Variants in FAM227B observed in about 807,000 individuals in gnomAD.
FAM227B encodes protein FAM227B.
In FAM227B, 88 loss-of-function variants were observed where a neutral mutation model predicts 73.8. The ratio of observed to expected loss-of-function variants is 1.19; its 90% CI spans 1.00 to 1.42. FAM227B has a LOEUF of 1.42. Among genes scored for constraint, FAM227B ranks in the 40% most tolerant of loss-of-function variants. The pLI, the probability that FAM227B is intolerant of heterozygous loss-of-function variation, is 0.00. For missense variants in FAM227B, 632 were observed against 590.9 expected (o/e 1.07, Z -0.72); for synonymous variants, 210 against 190.5 (o/e 1.10, Z -0.84).
chr15:49,370,569 A>C (rs369129469), intron 12 of FAM227B, among the ~76,000 whole-genome samples: 21 of 152,358 alleles, frequency 1.4e-4, no homozygotes, highest in African/African-American at 5.0e-4. Flanking sequence ...TGGGTTATTA[A>C]ATACCGGGAA....
intron 6 of FAM227B, 57 bp from the exon 7 acceptor site, chr15:49,576,902 G>T: frequency 1.0e-6 from 1 of 954,092 alleles, no homozygotes; most frequent in Non-Finnish European, 1.6e-6. Flanking sequence ...CACTATAGTA[G>T]ACTCATATAA....
chr15:49,598,229 T>C (rs1453122664), intron 3 of FAM227B, among the ~76,000 whole-genome samples: 1 of 151,996 alleles, frequency 6.6e-6, no homozygotes, highest in East Asian at 1.9e-4. Flanking sequence ...TTCATGTTAT[T>C]GTAAAAGAGA....
At chr15:49,436,708 C>G (rs2051138763) in intron 11 of FAM227B, among the ~76,000 whole-genome samples, 1 of 151,520 alleles carries the variant, frequency 6.6e-6, no homozygotes, top group Non-Finnish European at 1.5e-5. Flanking sequence ...GGTTACATAG[C>G]TAGTAACTGT....
chr15:49,524,178 T>C (rs375420197), intron 10 of FAM227B, among the ~76,000 whole-genome samples: 13 of 152,178 alleles, frequency 8.5e-5, no homozygotes, highest in African/African-American at 2.9e-4. Flanking sequence ...TCAGAGGTCT[T>C]CATGGCAGCC....
chr15:49,357,280 A>C (rs1178945366), intron 13 of FAM227B, among the ~76,000 whole-genome samples: 11 of 148,960 alleles, frequency 7.4e-5, no homozygotes, highest in African/African-American at 2.7e-4. Context: ...CCTTCAAAAA[A>C]TTAGTGAATC....
At chr15:49,419,486 AT>A (rs1256953488) in intron 11 of FAM227B, among the ~76,000 whole-genome samples, 5 of 152,204 alleles carry the variant, frequency 3.3e-5, no homozygotes, top group Non-Finnish European at 7.3e-5. Context: ...ACAGAAAAAA[AT>A]GGGATAAATG....
At chr15:49,344,506 A>G (rs767061768) in intron 13 of FAM227B, among the ~76,000 whole-genome samples, 6 of 152,238 alleles carry the variant, frequency 3.9e-5, no homozygotes, top group African/African-American at 1.2e-4. Flanking sequence ...CTCATCCCCA[A>G]TTGTGTGTTC....
chr15:49,446,975 G>C (rs2052279148), intron 11 of FAM227B, among the ~76,000 whole-genome samples: 1 of 151,506 alleles, frequency 6.6e-6, no homozygotes. Context: ...GAAGTTTCTA[G>C]AGATTTTGAC....
At chr15:49,368,555 G>A in intron 12 of FAM227B, among the ~76,000 whole-genome samples, 1 of 152,144 alleles carries the variant, frequency 6.6e-6, no homozygotes, top group East Asian at 1.9e-4. Context: ...CTAGTAAAAA[G>A]TTAATGTCAA....
chr15:49,389,139 G>A (rs375101167), intron 11 of FAM227B, among the ~76,000 whole-genome samples: 1 of 151,882 alleles, frequency 6.6e-6, no homozygotes, highest in South Asian at 2.1e-4. Context: ...ATCCCACTGT[G>A]GGGTATCTAC....
At chr15:49,591,238 C>A (rs1436364317) in intron 3 of FAM227B, among the ~76,000 whole-genome samples, 1 of 150,970 alleles carries the variant, frequency 6.6e-6, no homozygotes, top group Admixed American at 6.6e-5. Flanking sequence ...CCATGCCCGG[C>A]TAATTTTTTG....
At chr15:49,463,961 T>A (rs778418467) in intron 11 of FAM227B, among the ~76,000 whole-genome samples, 3 of 152,228 alleles carry the variant, frequency 2.0e-5, no homozygotes, top group Non-Finnish European at 4.4e-5. Flanking sequence ...AGTTACTATT[T>A]TTATCCTAGG....
intron 13 of FAM227B, among the ~76,000 whole-genome samples, chr15:49,361,097 T>G (rs2044146468): frequency 6.6e-6 from 1 of 152,184 alleles, no homozygotes; most frequent in Admixed American, 6.5e-5. Context: ...GTATTTAAGG[T>G]GATGAATATG....
intron 10 of FAM227B, among the ~76,000 whole-genome samples, chr15:49,513,121 GC>G (rs2059134553): frequency 6.6e-6 from 1 of 152,054 alleles, no homozygotes; most frequent in Non-Finnish European, 1.5e-5. Flanking sequence ...TATATATCTA[GC>G]AATGGAATTG....
intron 3 of FAM227B, among the ~76,000 whole-genome samples, chr15:49,607,844 A>G (rs1164823954): frequency 4.6e-5 from 7 of 152,170 alleles, no homozygotes; most frequent in African/African-American, 1.7e-4. Flanking sequence ...GGAGTAGATC[A>G]TATCTTGTAG....
At chr15:49,393,657 A>G (rs971175983) in intron 11 of FAM227B, among the ~76,000 whole-genome samples, 1 of 152,138 alleles carries the variant, frequency 6.6e-6, no homozygotes, top group African/African-American at 2.4e-5. Context: ...TGAATACAAT[A>G]AGGATTGGCT....
Position 49,461,708 on chromosome 15 carries a change from T to G in FAM227B, c.1012+46503A>C, listed in dbSNP as rs2053815527. ...AGAATAAGAGCAATCCTTATTTTTTTGAGGAAAAATTTTTATACTCCATTA... is the reference window on the plus strand; with the variant it reads ...AGAATAAGAGCAATCCTTATTTTTTGGAGGAAAAATTTTTATACTCCATTA... On this transcript the variant is annotated intron_variant, in intron 11 of 15. Coordinates refer to ENST00000299338, the MANE Select transcript of FAM227B (RefSeq NM_152647.3). Among the ~76,000 whole-genome samples the G allele has an allele frequency of 2.0e-5, 3 of 152,342 alleles. No homozygotes were observed. The South Asian group carries it at 6.2e-4, about 32-fold the overall frequency.
chr15:49,615,471 C>G (rs2078230255), intron 1 of FAM227B, among the ~76,000 whole-genome samples: 2 of 152,066 alleles, frequency 1.3e-5, no homozygotes, highest in African/African-American at 4.8e-5. Context: ...CAACATCCCC[C>G]TAGTGCTGTT....
chr15:49,416,772 G>GACAC (rs5812484), intron 11 of FAM227B, among the ~76,000 whole-genome samples: 3,451 of 149,942 alleles, frequency 0.023, 88 homozygotes, highest in South Asian at 0.12. Context: ...CACACACATA[G>GACAC]ACACACACAC....
Sources: allele counts gnomAD v4.1 joint callset (sites outside exome capture counted in the v4.1 genomes callset), GRCh38; gene constraint gnomAD v4.1.1; transcripts MANE v1.5; gene names NCBI Gene and HGNC (gene_info 2026-07-23, HGNC 2026-07-21).